GALNT18: variants seen among roughly 807,000 people sequenced by gnomAD.
GALNT18 encodes polypeptide N-acetylgalactosaminyltransferase 18.
GALNT18 carries 44 observed loss-of-function variants against 69.5 expected under a neutral mutation model. The ratio of observed to expected loss-of-function variants is 0.63; its 90% CI spans 0.50 to 0.81. The LOEUF is 0.81. GALNT18 is among the 40% of genes least tolerant of loss of function. The pLI, the probability that GALNT18 is intolerant of heterozygous loss-of-function variation, is 0.00. For synonymous variants in GALNT18, 364 were observed against 318.2 expected (o/e 1.14, Z -1.53); for missense variants, 715 against 810.0 (o/e 0.88, Z 1.42).
rs142694368 is a variant in GALNT18 at position 11,462,261 on chromosome 11, G to A, written c.236-13325C>T. 7.9e-5 allele frequency among the ~76,000 whole-genome samples: 12 copies of A among 151,262 alleles called. No homozygotes were observed. In the East Asian group the frequency reaches 2.3e-3, roughly 29 times the overall value. ...CTCAGTACATTCAGTGTGTGGCTGT[G>A]GCAAAGTCTTTTCTTTTTTTTTTTT... On this transcript the variant is annotated intron_variant, in intron 1 of 10. Transcript: ENST00000227756.
chr11:11,304,228 C>A (rs1849541028), intron 9 of GALNT18, among the ~76,000 whole-genome samples: 1 of 152,234 alleles, frequency 6.6e-6, no homozygotes, highest in African/African-American at 2.4e-5. Context: ...TCAACCTTTC[C>A]TCTGAGTCTA....
In GALNT18 at chr11:11,321,664, G is replaced by A. The variant is rs543375873; in HGVS notation, c.1512+5422C>T. On this transcript the variant is annotated intron_variant, in intron 9 of 10. Coordinates refer to ENST00000227756, the MANE Select transcript of GALNT18 (RefSeq NM_198516.3). ...GTCGCTCAGGCTGGAGGGCAGTGGCGCAGTCTCAGCTCACTGCAACCTCTG... is the reference window on the plus strand; with the variant it reads ...GTCGCTCAGGCTGGAGGGCAGTGGCACAGTCTCAGCTCACTGCAACCTCTG... Among the ~76,000 whole-genome samples, 5 of 152,286 alleles carry A rather than the reference G, an allele frequency of 3.3e-5. No individual in the cohort carries two copies. In the East Asian group the frequency reaches 7.7e-4, roughly 24 times the overall value.
chr11:11,384,559 G>A (rs1446599610), intron 3 of GALNT18, among the ~76,000 whole-genome samples: 3 of 152,088 alleles, frequency 2.0e-5, no homozygotes, highest in African/African-American at 7.2e-5. Context: ...TTTTCACACT[G>A]GTAATACCTA....
intron 1 of GALNT18, among the ~76,000 whole-genome samples, chr11:11,575,685 C>T (rs2134004482): frequency 6.6e-6 from 1 of 152,324 alleles, no homozygotes; most frequent in South Asian, 2.1e-4. Context: ...CCCTTCCTCA[C>T]ATCCTCCCCA....
Position 11,341,035 on chromosome 11 carries a change from C to T in GALNT18, c.1093-31G>A. 2 of 1,561,838 alleles carry T rather than the reference C, an allele frequency of 1.3e-6. No homozygotes were observed. Among genetic ancestry groups the T allele is most frequent in the Non-Finnish European group, 1.7e-6 (2 of 1,150,420 alleles). ...GAAGACATGGAGCCACTTGTCAGAG[C>T]CTGCCTGGCTCTGCCTTTCTACACC... On this transcript the variant is annotated intron_variant, in intron 6 of 10. Coordinates refer to ENST00000227756, the MANE Select transcript of GALNT18 (RefSeq NM_198516.3). This position sits in a 1 kb window ranked among gnomAD's most constrained non-coding sequence, Gnocchi z 6.3.
chr11:11,410,496 G>A (rs1349113154), intron 3 of GALNT18, among the ~76,000 whole-genome samples: 1 of 152,162 alleles, frequency 6.6e-6, no homozygotes, highest in African/African-American at 2.4e-5. Flanking sequence ...AATAAAGACA[G>A]CAAATGAATT....
chr11:11,579,964 C>T (rs999470762), intron 1 of GALNT18, among the ~76,000 whole-genome samples: 1 of 152,198 alleles, frequency 6.6e-6, no homozygotes, highest in Admixed American at 6.5e-5. Context: ...AGATGTGCCC[C>T]AACCCCTCAG....
chr11:11,302,263 G>A (rs752627816), intron 9 of GALNT18, among the ~76,000 whole-genome samples: 30 of 152,152 alleles, frequency 2.0e-4, no homozygotes, highest in Non-Finnish European at 3.7e-4. Flanking sequence ...AAGCAAGCTT[G>A]GCCTGGAGGT....
chr11:11,479,190 A>G (rs1856469934), intron 1 of GALNT18, among the ~76,000 whole-genome samples: 1 of 152,214 alleles, frequency 6.6e-6, no homozygotes, highest in Non-Finnish European at 1.5e-5. Context: ...TAAAATGCTT[A>G]CTGATTAATG....
rs917414622 is a variant in GALNT18, at chr11:11,596,883, T to C, written c.235+24476A>G. ...TGCTTCTGTTGTTCCTGATACTGAA[T>C]GATCTTAATGGTCATTCAGTCTTTG... On this transcript the variant is annotated intron_variant, in intron 1 of 10. Transcript: ENST00000227756. This position sits in a 1 kb window ranked among gnomAD's most constrained non-coding sequence, Gnocchi z 4.2. 2.0e-5 allele frequency among the ~76,000 whole-genome samples: 3 copies of C among 152,170 alleles called. No individual in the cohort carries two copies. The highest frequency in any genetic ancestry group is 4.4e-5 in the Non-Finnish European group (3 of 68,006).
chr11:11,616,214 A>G lies in GALNT18; in HGVS notation c.235+5145T>C, dbSNP rs952183363. On this transcript the variant is annotated intron_variant, in intron 1 of 10. Coordinates refer to ENST00000227756, the MANE Select transcript of GALNT18 (RefSeq NM_198516.3). This position sits in a 1 kb window ranked among gnomAD's most constrained non-coding sequence, Gnocchi z 4.4. ...ATAAAACAAATACCAGGGGTGGGGG[A>G]GGATATTAAGTTCTAGAGTAATCAA... Among the ~76,000 whole-genome samples the G allele has an allele frequency of 2.0e-5, 3 of 152,124 alleles. No homozygotes were observed. The highest frequency in any genetic ancestry group is 2.9e-5 in the Non-Finnish European group (2 of 68,008).
intron 1 of GALNT18, among the ~76,000 whole-genome samples, chr11:11,504,156 C>A (rs12364193): frequency 0.063 from 9,530 of 152,282 alleles, 398 homozygotes; most frequent in Middle Eastern, 0.12. Flanking sequence ...TGCCACAGAG[C>A]CTGCACATAG....
In GALNT18 at chr11:11,377,605, G is replaced by A. The variant is rs1312051603; in HGVS notation, c.780-226C>T. ...CTGCACCACTCCATTGGCATATCCAGAGCTGAGCTGAGAGATTCTTATTCC... is the reference window on the plus strand; with the variant it reads ...CTGCACCACTCCATTGGCATATCCAAAGCTGAGCTGAGAGATTCTTATTCC... On this transcript the variant is annotated intron_variant, in intron 4 of 10. Transcript: ENST00000227756. The surrounding 1 kb of genome is among the most constrained non-coding windows in gnomAD (Gnocchi z 4.6). Among the ~76,000 whole-genome samples, 1 of 151,686 alleles carries A rather than the reference G, an allele frequency of 6.6e-6. No homozygotes were observed. Among genetic ancestry groups the A allele is most frequent in the Non-Finnish European group, 1.5e-5 (1 of 68,002 alleles).
At chr11:11,509,199 T>A (rs1459552978) in intron 1 of GALNT18, among the ~76,000 whole-genome samples, 1 of 152,186 alleles carries the variant, frequency 6.6e-6, no homozygotes, top group Non-Finnish European at 1.5e-5. Context: ...CTTCTCTTAA[T>A]CTGTGACAAT....
chr11:11,292,112 T>C (rs1849310880), intron 10 of GALNT18, among the ~76,000 whole-genome samples: 1 of 152,132 alleles, frequency 6.6e-6, no homozygotes, highest in Non-Finnish European at 1.5e-5. Flanking sequence ...AATACAGGTG[T>C]TCCCTCCCGA....
intron 1 of GALNT18, among the ~76,000 whole-genome samples, chr11:11,501,808 C>G (rs758992482): frequency 2.6e-5 from 4 of 152,170 alleles, no homozygotes; most frequent in African/African-American, 7.2e-5. Flanking sequence ...CTCCAAGTTG[C>G]GAAGATGCCT....
intron 6 of GALNT18, among the ~76,000 whole-genome samples, chr11:11,355,314 C>T (rs976315744): frequency 1.3e-5 from 2 of 152,112 alleles, no homozygotes; most frequent in Admixed American, 6.5e-5. Flanking sequence ...TACAGCACTC[C>T]CTATGGACTG....
chr11:11,397,111 C>T (rs1253316777), intron 3 of GALNT18, among the ~76,000 whole-genome samples: 1 of 152,110 alleles, frequency 6.6e-6, no homozygotes, highest in Non-Finnish European at 1.5e-5. Context: ...AGAGACCACC[C>T]ATGGTTCTCC....
In GALNT18 at chr11:11,563,289, C is replaced by G. The variant is rs1190649986; in HGVS notation, c.235+58070G>C. Among the ~76,000 whole-genome samples the G allele has an allele frequency of 6.6e-6, 1 of 152,172 alleles. No individual in the cohort carries two copies. Among genetic ancestry groups the G allele is most frequent in the Non-Finnish European group, 1.5e-5 (1 of 68,044 alleles). On this transcript the variant is annotated intron_variant, in intron 1 of 10. Transcript: ENST00000227756. This position sits in a 1 kb window ranked among gnomAD's most constrained non-coding sequence, Gnocchi z 4.6. ...CTTTGTTCTCATAGGGCAATTTCAG[C>G]TCCATCTGCAGTCTTTTCTTTCCGG...
Sources: gnomAD v4.1 joint callset for allele counts (sites outside exome capture counted in the v4.1 genomes callset) on GRCh38, gnomAD v4.1.1 for gene constraint, Gnocchi (gnomAD v3.1) non-coding constraint, MANE v1.5 for transcripts, NCBI Gene and HGNC (gene_info 2026-07-23, HGNC 2026-07-21) for gene names.